Variants in SENP7 observed in about 807,000 individuals in gnomAD.
SENP7 encodes SUMO specific peptidase 7, also known as sentrin-specific protease 7.
Under a neutral mutation model 141.2 loss-of-function variants are expected in SENP7, and 64 were observed. The observed-to-expected ratio is 0.45, with a 90% confidence interval of 0.37 to 0.56. The LOEUF (loss-of-function observed/expected upper bound fraction) is 0.56. SENP7 is among the 20% of genes least tolerant of loss of function. The pLI is 0.00. For missense variants in SENP7, 1,025 were observed against 1,212.2 expected (o/e 0.85, Z 2.29); for synonymous variants, 382 against 426.4 (o/e 0.90, Z 1.28).
intron 3 of SENP7, among the ~76,000 whole-genome samples, chr3:101,490,752 G>T (rs879690108): frequency 6.6e-6 from 1 of 152,022 alleles, no homozygotes; most frequent in Non-Finnish European, 1.5e-5. Context: ...ACTATGGAAA[G>T]GGGCATTTAT....
chr3:101,370,510 T>C (rs1318078739), intron 7 of SENP7, among the ~76,000 whole-genome samples: 1 of 152,192 alleles, frequency 6.6e-6, no homozygotes, highest in Non-Finnish European at 1.5e-5. Flanking sequence ...TTCTCCTGTA[T>C]AGTTTAAATA....
intron 6 of SENP7, among the ~76,000 whole-genome samples, chr3:101,387,463 AC>A (rs1475502593): frequency 6.6e-6 from 1 of 151,998 alleles, no homozygotes; most frequent in African/African-American, 2.4e-5. Flanking sequence ...CCTTGCACAC[AC>A]CACTGGGGAG....
At chr3:101,417,879 A>C in intron 4 of SENP7, 89 bp from the exon 5 acceptor site, 1 of 1,053,176 alleles carries the variant, frequency 9.5e-7, no homozygotes, top group African/African-American at 1.6e-5. Context: ...CAGAAACTGT[A>C]AACTTCAGTT....
At chr3:101,452,750 A>C (rs2063191695) in intron 4 of SENP7, among the ~76,000 whole-genome samples, 1 of 152,346 alleles carries the variant, frequency 6.6e-6, no homozygotes, top group African/African-American at 2.4e-5. Context: ...TAGACCTAAA[A>C]CCATAAAAAC....
At chr3:101,435,246 G>T (rs1461354583) in intron 4 of SENP7, among the ~76,000 whole-genome samples, 1 of 151,562 alleles carries the variant, frequency 6.6e-6, no homozygotes, top group African/African-American at 2.4e-5. Flanking sequence ...AAAAAACTGA[G>T]AATAAAAGGA....
chr3:101,397,403 G>A (rs2061001618), intron 6 of SENP7, among the ~76,000 whole-genome samples: 1 of 152,156 alleles, frequency 6.6e-6, no homozygotes, highest in Admixed American at 6.5e-5. Context: ...AAAGGGCTAG[G>A]ATTATAGGCA....
intron 4 of SENP7, among the ~76,000 whole-genome samples, chr3:101,422,380 T>C (rs1324279428): frequency 6.6e-6 from 1 of 152,234 alleles, no homozygotes; most frequent in Non-Finnish European, 1.5e-5. Context: ...GGCAGTTTTC[T>C]GTTTTGTACC....
At chr3:101,366,863 C>A in intron 8 of SENP7, 94 bp from the exon 9 acceptor site, 1 of 728,052 alleles carries the variant, frequency 1.4e-6, no homozygotes, top group Non-Finnish European at 2.2e-6. Context: ...AATATTATAT[C>A]ACTTCTATAA....
At chr3:101,478,703 C>G (rs993874527) in intron 3 of SENP7, among the ~76,000 whole-genome samples, 1 of 152,100 alleles carries the variant, frequency 6.6e-6, no homozygotes, top group Non-Finnish European at 1.5e-5. Context: ...CGAAGTCATT[C>G]CTACCCTTAT....
chr3:101,414,080 A>G, intron 5 of SENP7: 1 of 301,438 alleles, frequency 3.3e-6, no homozygotes, highest in Non-Finnish European at 6.1e-6. Context: ...AGTTACTACC[A>G]TAGTAATAAA....
At chr3:101,328,713 A>G (rs1353467513) in intron 20 of SENP7, 24 bp from the exon 21 acceptor site, 2 of 1,563,956 alleles carry the variant, frequency 1.3e-6, no homozygotes, top group Admixed American at 3.4e-5. Flanking sequence ...AATTTTTATG[A>G]CTGCAATTAA....
At chr3:101,483,999 C>T (rs1376868929) in intron 3 of SENP7, among the ~76,000 whole-genome samples, 1 of 152,014 alleles carries the variant, frequency 6.6e-6, no homozygotes, top group Admixed American at 6.6e-5. Context: ...TGCACTCCAG[C>T]CTGGGCAACA....
chr3:101,341,254 G>C (rs2059318812), intron 15 of SENP7, among the ~76,000 whole-genome samples: 2 of 152,130 alleles, frequency 1.3e-5, no homozygotes, highest in South Asian at 4.1e-4. Context: ...ATTTCTGAAA[G>C]AGAACTTGTA....
chr3:101,485,371 C>T (rs1357516007), intron 3 of SENP7, among the ~76,000 whole-genome samples: 1 of 152,104 alleles, frequency 6.6e-6, no homozygotes, highest in Non-Finnish European at 1.5e-5. Flanking sequence ...CCCGCCACTA[C>T]CTCCACTGGA....
intron 4 of SENP7, among the ~76,000 whole-genome samples, chr3:101,438,880 G>A (rs1289774856): frequency 6.6e-6 from 1 of 151,492 alleles, no homozygotes; most frequent in African/African-American, 2.4e-5. Context: ...GGCCCCGCGG[G>A]GCCCGAGGGC....
chr3:101,491,023 A>G (rs1385307993), intron 3 of SENP7, among the ~76,000 whole-genome samples: 2 of 152,136 alleles, frequency 1.3e-5, no homozygotes, highest in Non-Finnish European at 2.9e-5. Context: ...ACCCATATAT[A>G]TGGAAATATG....
At chr3:101,489,888 T>C (rs1475195512) in intron 3 of SENP7, among the ~76,000 whole-genome samples, 1 of 151,820 alleles carries the variant, frequency 6.6e-6, no homozygotes, top group Non-Finnish European at 1.5e-5. Context: ...AAAATGCAAA[T>C]TAAAACCAAG....
At chr3:101,427,354 G>T (rs2061994965) in intron 4 of SENP7, among the ~76,000 whole-genome samples, 1 of 151,954 alleles carries the variant, frequency 6.6e-6, no homozygotes, top group African/African-American at 2.4e-5. Context: ...CCCGGGAGTG[G>T]TGGTGCACAC....
chr3:101,463,204 A>G (rs937058019), intron 3 of SENP7, among the ~76,000 whole-genome samples: 1 of 151,498 alleles, frequency 6.6e-6, no homozygotes, highest in East Asian at 1.9e-4. Flanking sequence ...TATGTCTACA[A>G]TAAAGGTCGT....
Sources: allele counts gnomAD v4.1 joint callset (sites outside exome capture counted in the v4.1 genomes callset), GRCh38; gene constraint gnomAD v4.1.1; transcripts MANE v1.5; gene names NCBI Gene and HGNC (gene_info 2026-07-23, HGNC 2026-07-21).